KCNJ4: variants seen among roughly 807,000 people sequenced by gnomAD.
KCNJ4 encodes inward rectifier potassium channel 4.
A neutral mutation model predicts 25.6 loss-of-function variants in KCNJ4; 3 were observed. The ratio of observed to expected loss-of-function variants is 0.12; its 90% CI spans 0.05 to 0.30. The LOEUF (loss-of-function observed/expected upper bound fraction) is 0.30. KCNJ4 is among the 10% of genes least tolerant of loss of function. KCNJ4 has a pLI of 1.00. For synonymous variants in KCNJ4, 257 were observed against 283.9 expected, an observed-to-expected ratio of 0.91 and a Z score of 0.95; for missense variants, 286 against 666.8, an observed-to-expected ratio of 0.43 and a Z score of 6.29.
Position 38,449,905 on chromosome 22 carries a change from G to T in KCNJ4, c.-40+5075C>A, listed in dbSNP as rs1486065295. Among the ~76,000 whole-genome samples, 1 of 152,226 alleles carries T rather than the reference G, an allele frequency of 6.6e-6. No individual in the cohort carries two copies. The highest frequency in any genetic ancestry group is 1.5e-5 in the Non-Finnish European group (1 of 68,024). On this transcript the variant is annotated intron_variant, in intron 1 of 1. Transcript: ENST00000303592. The surrounding 1 kb of genome is among the most constrained non-coding windows in gnomAD (Gnocchi z 5.2). Reference sequence around the variant, plus strand: ...AAGACCAGAGCAAGCCAGAGCGTGAGCTCACCCCTGCTCCCCATGCTGCAC... The same window carrying T: ...AAGACCAGAGCAAGCCAGAGCGTGATCTCACCCCTGCTCCCCATGCTGCAC...
rs1402649977 is a variant in KCNJ4 at position 38,454,989 on chromosome 22, G to A, written c.-49C>T. 2 of 151,704 alleles carry A rather than the reference G, an allele frequency of 1.3e-5. No homozygotes were observed. The highest frequency in any genetic ancestry group is 2.4e-5 in the African/African-American group (1 of 41,356). The allele number at this position is 151,704 out of a possible 1,614,324, so 9.4% of individuals were successfully genotyped here. The stretch of plus-strand genomic sequence containing the variant: ...GGCGAGCGCGGCTTACCGCTGGGCG[G>A]AGGGTCCGACGAGAGTCCGGGAGGC... On this transcript the variant is annotated 5_prime_UTR_variant, in exon 1 of 2. Coordinates refer to ENST00000303592, the MANE Select transcript of KCNJ4 (RefSeq NM_152868.3).
At position 38,439,204 on chromosome 22, in the gene KCNJ4, C is replaced by T. The variant is rs540994452; in HGVS notation, c.-39-11033G>A. Reference sequence around the variant, plus strand: ...ATCCCAGCACTTTGGGAGGCCAAGGCGGATGGATCACGAGGTCAGGAGATC... The same window carrying T: ...ATCCCAGCACTTTGGGAGGCCAAGGTGGATGGATCACGAGGTCAGGAGATC... On this transcript the variant is annotated intron_variant, in intron 1 of 1. Transcript: ENST00000303592. Among the ~76,000 whole-genome samples the T allele has an allele frequency of 9.9e-5, 15 of 152,118 alleles. No individual in the cohort carries two copies. In the South Asian group the frequency reaches 2.5e-3, roughly 25 times the overall value.
chr22:38,452,445 G>A (rs1407945085), intron 1 of KCNJ4, among the ~76,000 whole-genome samples: 27 of 152,326 alleles, frequency 1.8e-4, no homozygotes. Flanking sequence ...AAGCCCCCGA[G>A]CATCTAGGGC....
chr22:38,428,308 G>A, intron 1 of KCNJ4, 137 bp from the exon 2 acceptor site: 1 of 805,544 alleles, frequency 1.2e-6, no homozygotes, highest in Non-Finnish European at 1.9e-6. Context: ...CCGGCAGGCG[G>A]AGGGTGGCAG....
At chr22:38,430,396 G>T (rs1037260473) in intron 1 of KCNJ4, among the ~76,000 whole-genome samples, 1 of 152,150 alleles carries the variant, frequency 6.6e-6, no homozygotes, top group Non-Finnish European at 1.5e-5. Flanking sequence ...CCCAGCTACT[G>T]GGGGGCTGAG....
rs1241812522 is a variant in KCNJ4, at chr22:38,455,140, G to C, written c.-200C>G. 1 of 148,382 alleles carries C rather than the reference G, an allele frequency of 6.7e-6. No homozygotes were observed. The highest frequency in any genetic ancestry group is 2.5e-5 in the African/African-American group (1 of 40,646). The allele number at this position is 148,382 out of a possible 1,614,324, so 9.2% of individuals were successfully genotyped here. On this transcript the variant is annotated 5_prime_UTR_variant, in exon 1 of 2. Transcript: ENST00000303592. ...GCCCGCGCTCCCCTCCCCGGCTGCC[G>C]CTCGGTCTGCGCGTGGGTCTTGGGG...
At chr22:38,433,759 G>C (rs752346603) in intron 1 of KCNJ4, among the ~76,000 whole-genome samples, 4 of 152,218 alleles carry the variant, frequency 2.6e-5, no homozygotes, top group Non-Finnish European at 5.9e-5. Context: ...AGCTGTGGAA[G>C]GAAGCTCAGG....
intron 1 of KCNJ4, among the ~76,000 whole-genome samples, chr22:38,431,542 T>C (rs1194321790): frequency 6.6e-6 from 1 of 152,220 alleles, no homozygotes; most frequent in African/African-American, 2.4e-5. Flanking sequence ...TGCTGGGCCC[T>C]GTCTTGGGTT....
At chr22:38,441,566 G>A (rs2089333916) in intron 1 of KCNJ4, among the ~76,000 whole-genome samples, 1 of 152,114 alleles carries the variant, frequency 6.6e-6, no homozygotes, top group Non-Finnish European at 1.5e-5. Flanking sequence ...AACCTAGGGG[G>A]ATGGGGGCTA....
At chr22:38,434,406 C>A (rs182679708) in intron 1 of KCNJ4, among the ~76,000 whole-genome samples, 1 of 152,304 alleles carries the variant, frequency 6.6e-6, no homozygotes, top group East Asian at 1.9e-4. Flanking sequence ...ATCACTGTAT[C>A]CTTTGTGTAT....
rs898233121 is a variant in KCNJ4 at position 38,449,816 on chromosome 22, C to T, written c.-40+5164G>A. On this transcript the variant is annotated intron_variant, in intron 1 of 1. Transcript: ENST00000303592. The surrounding 1 kb of genome is among the most constrained non-coding windows in gnomAD (Gnocchi z 5.2). ...CTATGTCCAAAGTCTTCCAGGTTCA[C>T]GACAGGGACCCCGTGTTGGGCCACG... is the stretch of plus-strand genomic sequence containing the variant. 2.0e-5 allele frequency among the ~76,000 whole-genome samples: 3 copies of T among 152,268 alleles called. No individual in the cohort carries two copies. Among genetic ancestry groups the T allele is most frequent in the African/African-American group, 7.2e-5 (3 of 41,482 alleles).
rs1157471657 is a variant in KCNJ4 at position 38,449,632 on chromosome 22, C to T, written c.-40+5348G>A. ...TGCAGAGGGAGGGGCAGGGGCCACA[C>T]GCCAGCACTCCTCCCCACCGGTTTC... On this transcript the variant is annotated intron_variant, in intron 1 of 1. Coordinates refer to ENST00000303592, the MANE Select transcript of KCNJ4 (RefSeq NM_152868.3). The surrounding 1 kb of genome is among the most constrained non-coding windows in gnomAD (Gnocchi z 5.2). Among the ~76,000 whole-genome samples, 3 of 152,194 alleles carry T rather than the reference C, an allele frequency of 2.0e-5. No homozygotes were observed. Among genetic ancestry groups the T allele is most frequent in the Non-Finnish European group, 2.9e-5 (2 of 68,024 alleles).
chr22:38,441,700 C>T (rs1277066453), intron 1 of KCNJ4, among the ~76,000 whole-genome samples: 2 of 152,172 alleles, frequency 1.3e-5, no homozygotes, highest in Non-Finnish European at 2.9e-5. Flanking sequence ...AGTTCGAGCC[C>T]CACTCCCTCA....
chr22:38,440,046 G>A lies in KCNJ4; in HGVS notation c.-39-11875C>T, dbSNP rs546354657. On this transcript the variant is annotated intron_variant, in intron 1 of 1. Coordinates refer to ENST00000303592, the MANE Select transcript of KCNJ4 (RefSeq NM_152868.3). The stretch of plus-strand genomic sequence containing the variant: ...ACGGAGCTTGCAGTGAGCTGAGATC[G>A]CGCCACTGCACACTGCACTCCAGCC... Among the ~76,000 whole-genome samples, 4 of 147,922 alleles carry A rather than the reference G, an allele frequency of 2.7e-5. 1 individual carries two copies. The highest frequency in any genetic ancestry group is 7.5e-5 in the African/African-American group (3 of 39,860).
intron 1 of KCNJ4, among the ~76,000 whole-genome samples, chr22:38,436,290 C>T (rs889699756): frequency 5.3e-5 from 8 of 152,184 alleles, no homozygotes; most frequent in Non-Finnish European, 1.2e-4. Context: ...TGATTTCCTC[C>T]CCTCAATTTC....
chr22:38,451,353 C>T (rs1182061507), intron 1 of KCNJ4, among the ~76,000 whole-genome samples: 2 of 152,224 alleles, frequency 1.3e-5, no homozygotes, highest in Non-Finnish European at 2.9e-5. Context: ...TGCTCCACCT[C>T]CAGCTCTGGG....
chr22:38,436,706 T>A (rs970943728), intron 1 of KCNJ4, among the ~76,000 whole-genome samples: 8 of 152,154 alleles, frequency 5.3e-5, no homozygotes, highest in African/African-American at 1.4e-4. Context: ...TGAGCACGCA[T>A]TTACTCAGTA....
intron 1 of KCNJ4, among the ~76,000 whole-genome samples, chr22:38,438,614 G>A (rs1195790304): frequency 1.3e-5 from 2 of 151,750 alleles, no homozygotes; most frequent in Admixed American, 6.6e-5. Flanking sequence ...GCTTGAATCC[G>A]GGAGGTGGAG....
At position 38,426,835 on chromosome 22, in the gene KCNJ4, G is replaced by A; in HGVS notation, c.1298C>T (p.Pro433Leu). 6.2e-7 allele frequency: 1 copy of A among 1,613,346 alleles called. No individual in the cohort carries two copies. Among genetic ancestry groups the A allele is most frequent in the Non-Finnish European group, 8.5e-7 (1 of 1,179,848 alleles). The change falls in exon 2 of 2, where the codon CCG becomes CTG. Residue 433 changes from proline to leucine, a missense_variant. By Grantham distance (98) the Pro-to-Leu change is moderately conservative. This residue lies in a region of KCNJ4 where 77 missense variants were observed against 97.6 expected (regional missense o/e 0.79). Transcript: ENST00000303592. ...LDLERMQASL[P>L]LDNISYRRES... ...CCTGCGGTAGGAGATGTTGTCCAGC[G>A]GGAGGGAAGCCTGCATGCGCTCCAG...
Sources: gnomAD v4.1 joint callset for allele counts (sites outside exome capture counted in the v4.1 genomes callset) on GRCh38, gnomAD v4.1.1 for gene constraint, gnomAD v4.1.1 regional missense constraint, Gnocchi (gnomAD v3.1) non-coding constraint, MANE v1.5 for transcripts, NCBI Gene and HGNC (gene_info 2026-07-23, HGNC 2026-07-21) for gene names.